CNTNAP3B: variants seen among roughly 807,000 people sequenced by gnomAD.
The protein encoded by CNTNAP3B is contactin-associated protein-like 3B.
A neutral mutation model predicts 108.9 loss-of-function variants in CNTNAP3B; 25 were observed. The ratio of observed to expected loss-of-function variants is 0.23; its 90% CI spans 0.17 to 0.32. The LOEUF is 0.32. Ranked by LOEUF, CNTNAP3B falls within the 10% of genes least tolerant of loss-of-function variation. The pLI is 1.00. For synonymous variants in CNTNAP3B, 103 were observed against 473.4 expected (o/e 0.22, Z 10.16); for missense variants, 252 against 1,210.4 (o/e 0.21, Z 11.75).
intron 13 of CNTNAP3B, among the ~76,000 whole-genome samples, chr9:41,947,872 T>C (rs1824570267): frequency 6.6e-6 from 1 of 152,200 alleles, no homozygotes; most frequent in African/African-American, 2.4e-5. Flanking sequence ...AAACGAATAA[T>C]AAGAAAATAC....
Position 41,953,228 on chromosome 9 carries a change from G to T in CNTNAP3B, c.2035C>A (p.Arg679=). 2.6e-6 allele frequency: 4 copies of T among 1,528,482 alleles called. No homozygotes were observed. The highest frequency in any genetic ancestry group is 3.5e-6 in the Non-Finnish European group (4 of 1,146,884). The allele number at this position is 1,528,482 out of a possible 1,614,324, so 94.7% of individuals were successfully genotyped here. The part of the protein sequence containing the change: ...AVNLAERCEQ[R]LALRCGTARR... ...GCTGTCCCGCAGCGCAGAGCCAGCC[G>T]CTGCTCGCAGCGCTCCGCCAGGTTC... Residue 679 remains arginine (R), a synonymous_variant, in exon 13 of 24, where the codon CGG becomes AGG. Coordinates refer to ENST00000377561, the MANE Select transcript of CNTNAP3B (RefSeq NM_001201380.3).
chr9:42,031,058 T>C (rs1445012097), intron 3 of CNTNAP3B, among the ~76,000 whole-genome samples: 5 of 94,826 alleles, frequency 5.3e-5, no homozygotes, highest in Non-Finnish European at 4.3e-5. Context: ...TAGGTTTGAA[T>C]CTTCTGATTG....
intron 2 of CNTNAP3B, among the ~76,000 whole-genome samples, chr9:42,098,548 A>C (rs1827958628): frequency 1.2e-5 from 1 of 80,094 alleles, no homozygotes; most frequent in African/African-American, 4.8e-5. Context: ...ATGCCACTGC[A>C]CTCCAGCCTG....
At chr9:42,080,767 A>G (rs1159695167) in intron 2 of CNTNAP3B, among the ~76,000 whole-genome samples, 1 of 104,764 alleles carries the variant, frequency 9.5e-6, no homozygotes, top group East Asian at 3.5e-4. Flanking sequence ...AACTGAAACT[A>G]CAGCACTTTG....
In CNTNAP3B at chr9:41,986,306, C is replaced by A. The variant is rs775644140; in HGVS notation, c.1339G>T (p.Gly447Ter). 3 of 1,106,856 alleles carry A rather than the reference C, an allele frequency of 2.7e-6. 1 individual carries two copies. The highest frequency in any genetic ancestry group is 3.6e-6 in the Non-Finnish European group (3 of 822,018). The allele number at this position is 1,106,856 out of a possible 1,614,324, so 68.6% of individuals were successfully genotyped here. A position where few individuals can be genotyped will look rare whatever the true frequency, so the allele number is the denominator to read the frequency against. Residue 447 changes from glycine to a stop codon, truncating the protein, a stop_gained, in exon 9 of 24, where the codon GGA (glycine) becomes TGA (stop). Transcript: ENST00000377561. LOFTEE classifies it high-confidence loss of function. ...GAGTGCCACTGCCCATCGTTTAATC[C>A]AGCACCTGGAGGAAATACAATCAGT... ...QSPRNVTAGAGLNDGQWHSVS... is the reference protein window; with the variant it reads ...QSPRNVTAGA
intron 3 of CNTNAP3B, among the ~76,000 whole-genome samples, chr9:42,019,910 TG>T (rs1218883312): frequency 5.3e-5 from 7 of 132,526 alleles, no homozygotes; most frequent in Non-Finnish European, 1.1e-4. Context: ...AGTACCTTAT[TG>T]AAAAAAATGT....
At chr9:41,926,438 T>C (rs1169340195) in intron 15 of CNTNAP3B, among the ~76,000 whole-genome samples, 1 of 152,298 alleles carries the variant, frequency 6.6e-6, no homozygotes, top group Non-Finnish European at 1.5e-5. Flanking sequence ...AATATTTTAT[T>C]TTTCTTTCTT....
intron 3 of CNTNAP3B, among the ~76,000 whole-genome samples, chr9:42,037,294 AAAG>A (rs1340495384): frequency 1.2e-5 from 1 of 86,076 alleles, no homozygotes; most frequent in Non-Finnish European, 2.5e-5. Context: ...AAAAAAGAAA[AAAG>A]AAGGCTTCAG....
At chr9:41,944,669 T>A (rs1193938879) in intron 13 of CNTNAP3B, among the ~76,000 whole-genome samples, 6 of 151,684 alleles carry the variant, frequency 4.0e-5, no homozygotes, top group African/African-American at 1.4e-4. Flanking sequence ...AGTTACAATA[T>A]GGCAAATATT....
At chr9:42,121,829 G>A (rs1297340966) in intron 1 of CNTNAP3B, among the ~76,000 whole-genome samples, 3 of 140,698 alleles carry the variant, frequency 2.1e-5, no homozygotes, top group South Asian at 2.3e-4. Flanking sequence ...GAAGAACCGT[G>A]AGGAGAGATT....
intron 2 of CNTNAP3B, among the ~76,000 whole-genome samples, chr9:42,102,056 GATAAATAAATAA>G (rs772930176): frequency 0.36 from 12,672 of 34,764 alleles, 3,859 homozygotes; most frequent in Non-Finnish European, 0.5. Context: ...ACTCCATCTC[GATAAATAAATAA>G]ATAAATAAAT....
At chr9:41,941,110 C>T (rs1016817711) in intron 13 of CNTNAP3B, among the ~76,000 whole-genome samples, 2 of 150,614 alleles carry the variant, frequency 1.3e-5, no homozygotes, top group Admixed American at 6.6e-5. Context: ...CCCAAATAGA[C>T]ATAAGGATTC....
intron 12 of CNTNAP3B, among the ~76,000 whole-genome samples, chr9:41,956,092 T>C (rs1256506237): frequency 6.6e-6 from 1 of 152,222 alleles, no homozygotes; most frequent in Non-Finnish European, 1.5e-5. Flanking sequence ...AAAAAAATAA[T>C]AATATTGGTT....
intron 1 of CNTNAP3B, among the ~76,000 whole-genome samples, chr9:42,107,523 G>T (rs1308790255): frequency 2.4e-5 from 3 of 124,682 alleles, no homozygotes; most frequent in Non-Finnish European, 4.9e-5. Context: ...ATAGGATTAA[G>T]GTCCAAATAT....
At position 41,981,872 on chromosome 9, in the gene CNTNAP3B, C is replaced by T. The variant is rs1474358166; in HGVS notation, c.1477+4296G>A. On this transcript the variant is annotated intron_variant, in intron 9 of 23. Transcript: ENST00000377561. ...GTTTGAGACAAGCCTGGGCAAATAA[C>T]GAGACCTCGTCTCTACAAACAATAA... 1.5e-3 allele frequency among the ~76,000 whole-genome samples: 78 copies of T among 52,300 alleles called. 7 individuals are homozygous for T. Among genetic ancestry groups the T allele is most frequent in the African/African-American group, 3.7e-3 (66 of 17,638 alleles). 34.3% of individuals were successfully genotyped at this position (52,300 alleles called of 152,430 possible). A position where few individuals can be genotyped will look rare whatever the true frequency, so the allele number is the denominator to read the frequency against.
intron 2 of CNTNAP3B, among the ~76,000 whole-genome samples, chr9:42,098,016 C>T (rs1466519715): frequency 1.5e-5 from 2 of 137,656 alleles, no homozygotes; most frequent in East Asian, 4.4e-4. Flanking sequence ...AGACAATACA[C>T]AGAATTTGGA....
At chr9:41,957,770 G>T (rs1275112805) in intron 12 of CNTNAP3B, among the ~76,000 whole-genome samples, 3 of 152,234 alleles carry the variant, frequency 2.0e-5, no homozygotes, top group African/African-American at 7.2e-5. Context: ...TTTGTTTTTT[G>T]GTTTTTTTGA....
chr9:41,980,771 C>T (rs1825614172), intron 9 of CNTNAP3B: 2 of 142,200 alleles, frequency 1.4e-5, no homozygotes. Context: ...CTATGACAAA[C>T]CCACAGCCAG....
chr9:42,055,258 A>G lies in CNTNAP3B; in HGVS notation c.390+21611T>C, dbSNP rs939238810. On this transcript the variant is annotated intron_variant, in intron 3 of 23. Transcript: ENST00000377561. ...GAAAAAATGCTATGATTTTTCTTAT[A>G]TGTCCTTCTAGAAATATTTCATATT... Among the ~76,000 whole-genome samples the G allele has an allele frequency of 2.2e-4, 29 of 133,820 alleles. 3 individuals carry two copies. Among genetic ancestry groups the G allele is most frequent in the African/African-American group, 7.7e-4 (26 of 33,664 alleles). 87.8% of individuals were successfully genotyped at this position (133,820 alleles called of 152,430 possible). A position where few individuals can be genotyped will look rare whatever the true frequency, so the allele number is the denominator to read the frequency against.
Sources: allele counts gnomAD v4.1 joint callset (sites outside exome capture counted in the v4.1 genomes callset), GRCh38; gene constraint gnomAD v4.1.1; transcripts MANE v1.5; gene names NCBI Gene and HGNC (gene_info 2026-07-23, HGNC 2026-07-21).